Variants in FLRT2 observed in about 807,000 individuals in gnomAD.
The protein encoded by FLRT2 is leucine-rich repeat transmembrane protein FLRT2.
In FLRT2, 15 loss-of-function variants were observed where a neutral mutation model predicts 40.0. The ratio of observed to expected loss-of-function variants is 0.38; its 90% confidence interval spans 0.25 to 0.58. FLRT2 has a LOEUF of 0.58. Ranked by LOEUF, FLRT2 falls within the 20% of genes least tolerant of loss-of-function variation. FLRT2 has a pLI of 0.71. For synonymous variants in FLRT2, 380 were observed against 336.8 expected (o/e 1.13, Z -1.41); for missense variants, 726 against 840.0 (o/e 0.86, Z 1.68).
In FLRT2 at chr14:85,619,570, C is replaced by T. The variant is rs149363199; in HGVS notation, c.-376-1569C>T. Among the ~76,000 whole-genome samples, 642 of 152,226 alleles carry T rather than the reference C, an allele frequency of 4.2e-3. 1 individual carries two copies. Among genetic ancestry groups the T allele is most frequent in the African/African-American group, 0.015 (618 of 41,530 alleles). The stretch of plus-strand genomic sequence containing the variant: ...AAATTATAGAACACATTTACAACAT[C>T]CTTGACACTTAAATAACATTTCCAG... On this transcript the variant is annotated intron_variant, in intron 1 of 1. Transcript: ENST00000330753.
chr14:85,594,077 T>C (rs1429419885), intron 1 of FLRT2, among the ~76,000 whole-genome samples: 1 of 152,132 alleles, frequency 6.6e-6, no homozygotes, highest in Non-Finnish European at 1.5e-5. Flanking sequence ...CATATATATA[T>C]GTATTTAAAA....
chr14:85,594,258 A>G (rs1892033187), intron 1 of FLRT2, among the ~76,000 whole-genome samples: 1 of 152,204 alleles, frequency 6.6e-6, no homozygotes, highest in Non-Finnish European at 1.5e-5. Context: ...CTTAAATATT[A>G]AACACTCTCA....
intron 1 of FLRT2, among the ~76,000 whole-genome samples, chr14:85,589,037 T>G (rs774943121): frequency 1.3e-5 from 2 of 152,200 alleles, no homozygotes; most frequent in Non-Finnish European, 2.9e-5. Context: ...AAATCTTGGC[T>G]ATTGTGAACA....
chr14:85,554,844 G>T (rs932517710), intron 1 of FLRT2, among the ~76,000 whole-genome samples: 4 of 152,314 alleles, frequency 2.6e-5, no homozygotes, highest in African/African-American at 9.6e-5. Flanking sequence ...CCCATTAAGA[G>T]TTGACTCAAA....
chr14:85,574,781 G>T (rs530269548), intron 1 of FLRT2, among the ~76,000 whole-genome samples: 1 of 152,136 alleles, frequency 6.6e-6, no homozygotes, highest in Non-Finnish European at 1.5e-5. Flanking sequence ...GTATCTTGAT[G>T]TGAGGTGTGT....
chr14:85,543,299 A>C (rs1176352787), intron 1 of FLRT2, among the ~76,000 whole-genome samples: 5 of 152,082 alleles, frequency 3.3e-5, no homozygotes, highest in Non-Finnish European at 2.9e-5. Flanking sequence ...TGCTTTTTAT[A>C]GTTGTCTGAC....
chr14:85,610,926 C>T (rs1892828947), intron 1 of FLRT2, among the ~76,000 whole-genome samples: 1 of 152,092 alleles, frequency 6.6e-6, no homozygotes, highest in Admixed American at 6.6e-5. Flanking sequence ...GACAGAGTGT[C>T]ACTTTGTTGC....
Position 85,647,768 on chromosome 14 carries a change from T to C in FLRT2, c.*24271T>C, listed in dbSNP as rs966471938. 1 of 152,114 alleles carries C rather than the reference T, an allele frequency of 6.6e-6. No homozygotes were observed. Among genetic ancestry groups the C allele is most frequent in the African/African-American group, 2.4e-5 (1 of 41,430 alleles). 9.4% of individuals were successfully genotyped at this position (152,114 alleles called of 1,614,324 possible). ...TAAATGGACAACTATCGCAACCACA[T>C]ACAGGCAGAACCACTAAGAGTAAAA... On this transcript the variant is annotated 3_prime_UTR_variant, in exon 2 of 2. Coordinates refer to ENST00000330753, the MANE Select transcript of FLRT2 (RefSeq NM_013231.6).
At position 85,625,932 on chromosome 14, in the gene FLRT2, G is replaced by A. The variant is rs1200743129; in HGVS notation, c.*2435G>A. On this transcript the variant is annotated 3_prime_UTR_variant, in exon 2 of 2. Coordinates refer to ENST00000330753, the MANE Select transcript of FLRT2 (RefSeq NM_013231.6). ...GGGCCAGGAAGAACAAGGATGAAGA[G>A]GTTCCTGTCATTTCTTATGGGGTTC... is the stretch of plus-strand genomic sequence containing the variant. 1 of 167,094 alleles carries A rather than the reference G, an allele frequency of 6.0e-6. No individual in the cohort carries two copies. The highest frequency in any genetic ancestry group is 2.4e-5 in the African/African-American group (1 of 41,458). The allele number at this position is 167,094 out of a possible 1,614,324, so 10.4% of individuals were successfully genotyped here.
At chr14:85,547,511 A>G (rs1177891341) in intron 1 of FLRT2, among the ~76,000 whole-genome samples, 1 of 151,868 alleles carries the variant, frequency 6.6e-6, no homozygotes, top group Non-Finnish European at 1.5e-5. Flanking sequence ...TTTAGTAGAG[A>G]TGGGGTTTCA....
At chr14:85,537,081 C>CT (rs1888705147) in intron 1 of FLRT2, among the ~76,000 whole-genome samples, 1 of 152,168 alleles carries the variant, frequency 6.6e-6, no homozygotes, top group African/African-American at 2.4e-5. Context: ...TTCTGCTGTG[C>CT]TTCTACTGTG....
chr14:85,616,310 A>G (rs1461966069), intron 1 of FLRT2, among the ~76,000 whole-genome samples: 1 of 136,140 alleles, frequency 7.3e-6, no homozygotes, highest in African/African-American at 2.7e-5. Context: ...ACAGGGAAAT[A>G]TTTAAAAGAC....
chr14:85,576,222 C>T (rs912779139), intron 1 of FLRT2, among the ~76,000 whole-genome samples: 2 of 152,118 alleles, frequency 1.3e-5, no homozygotes, highest in African/African-American at 2.4e-5. Context: ...CTCAGTTATC[C>T]GGGTTTCCTT....
At position 85,632,301 on chromosome 14, in the gene FLRT2, C is replaced by T. The variant is rs1893896024; in HGVS notation, c.*8804C>T. On this transcript the variant is annotated 3_prime_UTR_variant, in exon 2 of 2. Transcript: ENST00000330753. Reference sequence around the variant, plus strand: ...CCTGGCCAACATGGTGAAACCCTGTCTCTACTAAAAATACAAAAAATTTAG... The same window carrying T: ...CCTGGCCAACATGGTGAAACCCTGTTTCTACTAAAAATACAAAAAATTTAG... 1 of 151,806 alleles carries T rather than the reference C, an allele frequency of 6.6e-6. No individual in the cohort carries two copies. Among genetic ancestry groups the T allele is most frequent in the Non-Finnish European group, 1.5e-5 (1 of 68,068 alleles). The allele number at this position is 151,806 out of a possible 1,614,324, so 9.4% of individuals were successfully genotyped here. A position where few individuals can be genotyped will look rare whatever the true frequency, so the allele number is the denominator to read the frequency against.
At chr14:85,589,758 C>T (rs548588326) in intron 1 of FLRT2, among the ~76,000 whole-genome samples, 1 of 152,092 alleles carries the variant, frequency 6.6e-6, no homozygotes, top group Non-Finnish European at 1.5e-5. Context: ...AGATTTAAGT[C>T]TTTGATAGAT....
At chr14:85,572,074 T>C (rs2139862590) in intron 1 of FLRT2, among the ~76,000 whole-genome samples, 1 of 152,354 alleles carries the variant, frequency 6.6e-6, no homozygotes, top group East Asian at 1.9e-4. Flanking sequence ...CTCACTGTTG[T>C]GTCTGGCATT....
rs775518264 is a variant in FLRT2, at chr14:85,622,943, C to T, written c.1429C>T (p.His477Tyr). 1.2e-6 allele frequency: 2 copies of T among 1,614,058 alleles called. No homozygotes were observed. The highest frequency in any genetic ancestry group is 1.7e-6 in the Non-Finnish European group (2 of 1,180,034). ...QERIVSGEKQ[H>Y]LSLVNLEPRS... is the part of the protein sequence containing the mutation. ...GCGCATAGTCAGCGGTGAGAAGCAACACCTGAGCCTGGTTAACTTAGAGCC... is the reference window on the plus strand; with the variant it reads ...GCGCATAGTCAGCGGTGAGAAGCAATACCTGAGCCTGGTTAACTTAGAGCC... Residue 477 changes from histidine to tyrosine, a missense_variant, in exon 2 of 2, where the codon CAC becomes TAC. By Grantham distance (83) the His-to-Tyr change is moderately conservative. Transcript: ENST00000330753.
intron 1 of FLRT2, among the ~76,000 whole-genome samples, chr14:85,532,756 C>G (rs1260182943): frequency 1.3e-5 from 2 of 152,222 alleles, no homozygotes; most frequent in Non-Finnish European, 2.9e-5. Context: ...GGGGGCACAT[C>G]ACCAAGGTTG....
Position 85,648,496 on chromosome 14 carries a change from A to T in FLRT2, c.*24999A>T, listed in dbSNP as rs1054271845. The T allele has an allele frequency of 6.6e-6, 1 of 152,266 alleles. No individual in the cohort carries two copies. Among genetic ancestry groups the T allele is most frequent in the Non-Finnish European group, 1.5e-5 (1 of 68,022 alleles). 9.4% of individuals were successfully genotyped at this position (152,266 alleles called of 1,614,324 possible). A position where few individuals can be genotyped will look rare whatever the true frequency, so the allele number is the denominator to read the frequency against. On this transcript the variant is annotated 3_prime_UTR_variant, in exon 2 of 2. Transcript: ENST00000330753. Reference sequence around the variant, plus strand: ...TTGCTAAGACATGAGTGTCAAGGGAAGTTGAGGTGGAGATGGTGGCTATAT... The same window carrying T: ...TTGCTAAGACATGAGTGTCAAGGGATGTTGAGGTGGAGATGGTGGCTATAT...
Sources: gnomAD v4.1 joint callset for allele counts (sites outside exome capture counted in the v4.1 genomes callset) on GRCh38, gnomAD v4.1.1 for gene constraint, MANE v1.5 for transcripts, NCBI Gene and HGNC (gene_info 2026-07-23, HGNC 2026-07-21) for gene names.